Variants in DLGAP2 observed in about 807,000 individuals in gnomAD.
DLGAP2 encodes the protein disks large-associated protein 2.
A neutral mutation model predicts 100.3 loss-of-function variants in DLGAP2; 26 were observed. That is an observed-to-expected ratio of 0.26 (90% CI 0.19 to 0.36). DLGAP2 has a LOEUF of 0.36. Ranked by LOEUF, DLGAP2 falls within the 10% of genes least tolerant of loss-of-function variation. The probability of loss-of-function intolerance (pLI) is 1.00; values close to 1 mark genes in which losing one functional copy is unlikely to be tolerated. For synonymous variants in DLGAP2, 886 were observed against 630.1 expected (o/e 1.41, Z -6.08); for missense variants, 1,858 against 1,453.2 (o/e 1.28, Z -4.53).
intron 3 of DLGAP2, among the ~76,000 whole-genome samples, chr8:1,378,875 G>A (rs571353533): frequency 9.9e-5 from 15 of 152,124 alleles, no homozygotes; most frequent in Admixed American, 3.9e-4. Context: ...CAGTGTGGTC[G>A]GCGGGTTCAA....
At chr8:1,363,608 A>G (rs1422743323) in intron 3 of DLGAP2, among the ~76,000 whole-genome samples, 1 of 152,202 alleles carries the variant, frequency 6.6e-6, no homozygotes, top group Admixed American at 6.5e-5. Context: ...GTCAGGCGAC[A>G]TTGGGATCTG....
At chr8:1,250,022 A>G (rs1417270186) in intron 2 of DLGAP2, among the ~76,000 whole-genome samples, 1 of 152,154 alleles carries the variant, frequency 6.6e-6, no homozygotes, top group African/African-American at 2.4e-5. Context: ...CTGAGACTAC[A>G]GGTGCATGCT....
intron 1 of DLGAP2, among the ~76,000 whole-genome samples, chr8:878,951 A>G (rs1345166094): frequency 1.3e-5 from 2 of 152,330 alleles, no homozygotes; most frequent in South Asian, 4.1e-4. Flanking sequence ...GCAACACAAA[A>G]GGGACTAAGA....
intron 2 of DLGAP2, among the ~76,000 whole-genome samples, chr8:1,031,871 C>T (rs1470506826): frequency 1.3e-5 from 2 of 152,176 alleles, no homozygotes; most frequent in African/African-American, 2.4e-5. Context: ...AATGAATTCA[C>T]CTGTGGCCAC....
In DLGAP2 at chr8:1,232,584, C is replaced by G. The variant is rs147066637; in HGVS notation, c.74-26267C>G. Among the ~76,000 whole-genome samples the G allele has an allele frequency of 1.7e-4, 26 of 152,312 alleles. No individual in the cohort carries two copies. The East Asian group carries it at 4.8e-3, about 28-fold the overall frequency. On this transcript the variant is annotated intron_variant, in intron 2 of 14. Coordinates refer to ENST00000637795, the MANE Select transcript of DLGAP2 (RefSeq NM_001346810.2). Reference sequence around the variant, plus strand: ...TGTGGCTGTTTGGGAACGACTTATCCTTTACATTGGCTGATGTTTGTATTT... The same window carrying G: ...TGTGGCTGTTTGGGAACGACTTATCGTTTACATTGGCTGATGTTTGTATTT...
At chr8:1,030,406 CCAAG>C (rs1801940246) in intron 2 of DLGAP2, among the ~76,000 whole-genome samples, 1 of 152,092 alleles carries the variant, frequency 6.6e-6, no homozygotes, top group Non-Finnish European at 1.5e-5. Context: ...CTTTGAAGCT[CCAAG>C]GCCAGCTGCA....
chr8:1,267,767 T>C (rs574139239), intron 3 of DLGAP2, among the ~76,000 whole-genome samples: 4 of 151,998 alleles, frequency 2.6e-5, no homozygotes, highest in Non-Finnish European at 5.9e-5. Flanking sequence ...CTTTTTCTCC[T>C]CTGCAGATGT....
At chr8:1,145,917 T>C (rs549025861) in intron 2 of DLGAP2, among the ~76,000 whole-genome samples, 2 of 151,814 alleles carry the variant, frequency 1.3e-5, no homozygotes, top group Non-Finnish European at 1.5e-5. Flanking sequence ...TCCAATTTCA[T>C]CCATGTCCCT....
intron 3 of DLGAP2, among the ~76,000 whole-genome samples, chr8:1,442,094 G>T (rs1797849892): frequency 6.6e-6 from 1 of 152,234 alleles, no homozygotes; most frequent in Non-Finnish European, 1.5e-5. Flanking sequence ...GTGAGCATGT[G>T]TCTCCTCTGA....
intron 3 of DLGAP2, among the ~76,000 whole-genome samples, chr8:1,346,508 C>T (rs1464613842): frequency 1.3e-5 from 2 of 151,148 alleles, no homozygotes; most frequent in Non-Finnish European, 2.9e-5. Context: ...CTCATGATAG[C>T]TGTGTGGAGG....
At chr8:1,334,709 C>T (rs1801232579) in intron 3 of DLGAP2, among the ~76,000 whole-genome samples, 1 of 152,148 alleles carries the variant, frequency 6.6e-6, no homozygotes, top group Non-Finnish European at 1.5e-5. Context: ...TCCACAGCAG[C>T]CAGGCCGTGT....
intron 2 of DLGAP2, among the ~76,000 whole-genome samples, chr8:1,250,825 C>T (rs183471698): frequency 1.4e-4 from 21 of 152,320 alleles, no homozygotes; most frequent in Admixed American, 1.2e-3. Flanking sequence ...ACACTTATGT[C>T]GGCCTGCTTC....
intron 2 of DLGAP2, among the ~76,000 whole-genome samples, chr8:1,230,637 A>G (rs774434843): frequency 6.6e-6 from 1 of 152,226 alleles, no homozygotes; most frequent in Non-Finnish European, 1.5e-5. Context: ...ACCAAATAGC[A>G]TGGCACTGGT....
At chr8:1,121,186 C>T (rs544930475) in intron 2 of DLGAP2, among the ~76,000 whole-genome samples, 8 of 145,748 alleles carry the variant, frequency 5.5e-5, no homozygotes, top group East Asian at 2.2e-4. Context: ...CATGACCACC[C>T]GTCCTCCCCT....
intron 4 of DLGAP2, among the ~76,000 whole-genome samples, chr8:1,516,153 G>A (rs999643308): frequency 1.3e-5 from 2 of 152,178 alleles, no homozygotes; most frequent in African/African-American, 4.8e-5. Context: ...GAATGAGTGA[G>A]TGAGTGATTG....
intron 2 of DLGAP2, among the ~76,000 whole-genome samples, chr8:1,124,497 CTATTTT>C (rs1233765479): frequency 6.6e-6 from 1 of 152,160 alleles, no homozygotes; most frequent in Non-Finnish European, 1.5e-5. Flanking sequence ...TCCTATGTTT[CTATTTT>C]TATTACTCAT....
intron 3 of DLGAP2, among the ~76,000 whole-genome samples, chr8:1,310,834 A>C (rs1480972842): frequency 1.3e-5 from 2 of 152,052 alleles, no homozygotes; most frequent in African/African-American, 4.8e-5. Context: ...ATTTTTGTCA[A>C]AGTAACATTT....
At chr8:1,515,293 C>A (rs1163823631) in intron 4 of DLGAP2, among the ~76,000 whole-genome samples, 1 of 152,120 alleles carries the variant, frequency 6.6e-6, no homozygotes, top group African/African-American at 2.4e-5. Context: ...CCAGAGAAAC[C>A]ATCATGGAGG....
At chr8:1,478,547 C>G (rs189614671) in intron 3 of DLGAP2, among the ~76,000 whole-genome samples, 187 of 152,314 alleles carry the variant, frequency 1.2e-3, no homozygotes, top group African/African-American at 4.4e-3. Flanking sequence ...ACCATAGATG[C>G]CCAGGGCAAT....
Sources: allele counts gnomAD v4.1 joint callset (sites outside exome capture counted in the v4.1 genomes callset), GRCh38; gene constraint gnomAD v4.1.1; transcripts MANE v1.5; gene names NCBI Gene and HGNC (gene_info 2026-07-23, HGNC 2026-07-21).